CXXC4: variants seen among roughly 807,000 people sequenced by gnomAD.
CXXC4 encodes the protein CXXC-type zinc finger protein 4.
In CXXC4, 5 loss-of-function variants were observed where a neutral mutation model predicts 20.5. The ratio of observed to expected loss-of-function variants is 0.24; its 90% CI spans 0.13 to 0.51. The LOEUF is 0.51. CXXC4 is among the 20% of genes least tolerant of loss of function. The pLI is 0.97. For synonymous variants in CXXC4, 250 were observed against 216.4 expected (o/e 1.16, Z -1.36); for missense variants, 419 against 496.4 (o/e 0.84, Z 1.48).
intron 2 of CXXC4, among the ~76,000 whole-genome samples, chr4:104,485,698 T>C (rs943207063): frequency 3.3e-5 from 5 of 152,074 alleles, no homozygotes; most frequent in East Asian, 1.9e-4. Flanking sequence ...CACCCCACCA[T>C]GGATCTTCAG....
intron 2 of CXXC4, among the ~76,000 whole-genome samples, chr4:104,480,273 T>C (rs1179106017): frequency 1.3e-5 from 2 of 152,190 alleles, no homozygotes; most frequent in African/African-American, 4.8e-5. Context: ...AGTAAATTAA[T>C]AAATTTTCCA....
intron 2 of CXXC4, among the ~76,000 whole-genome samples, chr4:104,477,031 A>G (rs1736427339): frequency 6.6e-6 from 1 of 152,142 alleles, no homozygotes; most frequent in African/African-American, 2.4e-5. Context: ...ACTCCTCGGC[A>G]TCTAAGGCCT....
Position 104,468,716 on chromosome 4 carries a change from G to T in CXXC4, c.*3606C>A, listed in dbSNP as rs561440781. 1 of 150,004 alleles carries T rather than the reference G, an allele frequency of 6.7e-6. No homozygotes were observed. The highest frequency in any genetic ancestry group is 1.9e-4 in the East Asian group (1 of 5,138). The allele number at this position is 150,004 out of a possible 1,614,324, so 9.3% of individuals were successfully genotyped here. A position where few individuals can be genotyped will look rare whatever the true frequency, so the allele number is the denominator to read the frequency against. Reference sequence around the variant, plus strand: ...CAAATTTAATAAAAAAAAAAAAACTGAAACATTTAGCTGTTACATGAGAAC... The same window carrying T: ...CAAATTTAATAAAAAAAAAAAAACTTAAACATTTAGCTGTTACATGAGAAC... On this transcript the variant is annotated 3_prime_UTR_variant, in exon 3 of 3. Transcript: ENST00000394767.
At chr4:104,480,507 CTA>C (rs900096490) in intron 2 of CXXC4, among the ~76,000 whole-genome samples, 4 of 151,958 alleles carry the variant, frequency 2.6e-5, no homozygotes, top group African/African-American at 9.7e-5. Context: ...CTTGGCCTTT[CTA>C]TGTTTCTAAT....
intron 2 of CXXC4, among the ~76,000 whole-genome samples, chr4:104,481,675 T>C (rs1560540866): frequency 6.6e-6 from 1 of 152,138 alleles, no homozygotes; most frequent in Non-Finnish European, 1.5e-5. Context: ...TTTGTGTGTG[T>C]GTATATATGC....
chr4:104,489,356 G>T (rs1314434903), intron 2 of CXXC4, among the ~76,000 whole-genome samples: 3 of 151,990 alleles, frequency 2.0e-5, no homozygotes, highest in Non-Finnish European at 4.4e-5. Context: ...AAAAAAAACT[G>T]TATCTTCTTT....
intron 2 of CXXC4, among the ~76,000 whole-genome samples, chr4:104,485,241 T>A (rs2110276398): frequency 6.6e-6 from 1 of 152,202 alleles, no homozygotes; most frequent in East Asian, 1.9e-4. Context: ...TTTGCTTTTT[T>A]ACAAACTAAT....
chr4:104,491,821 G>T lies in CXXC4; in HGVS notation c.-19C>A. 7.2e-7 allele frequency: 1 copy of T among 1,381,832 alleles called. No homozygotes were observed. Among genetic ancestry groups the T allele is most frequent in the Non-Finnish European group, 9.4e-7 (1 of 1,058,228 alleles). The allele number at this position is 1,381,832 out of a possible 1,614,324, so 85.6% of individuals were successfully genotyped here. ...TGTTCATGGTGCAGGGGGGGAAGAA[G>T]GGGTGCAGGGTGGAAGTGGGGACCG... is the stretch of plus-strand genomic sequence containing the variant. On this transcript the variant is annotated 5_prime_UTR_variant, in exon 2 of 3. Coordinates refer to ENST00000394767, the MANE Select transcript of CXXC4 (RefSeq NM_025212.4).
rs747993874 is a variant in CXXC4 at position 104,491,383 on chromosome 4, G to C, written c.420C>G (p.Ala140=). 7.5e-7 allele frequency: 1 copy of C among 1,337,172 alleles called. No individual in the cohort carries two copies. The highest frequency in any genetic ancestry group is 3.3e-5 in the Admixed American group (1 of 30,532). 82.8% of individuals were successfully genotyped at this position (1,337,172 alleles called of 1,614,324 possible). The change falls in exon 2 of 3, where the codon GCC becomes GCG. Residue 140 remains alanine, a synonymous_variant. Transcript: ENST00000394767. The stretch of plus-strand genomic sequence containing the variant: ...AGGAGGAGGCGGAGGAGGAGGCGGC[G>C]GCGGAGGAGGATTTCCTGCCGCCCC... ...GGGGGRKSSS[A]AASSSASSSS...
At chr4:104,473,981 A>C (rs1318327028) in intron 2 of CXXC4, among the ~76,000 whole-genome samples, 5 of 152,010 alleles carry the variant, frequency 3.3e-5, no homozygotes, top group African/African-American at 1.2e-4. Context: ...CAATAAAATA[A>C]ATATTTTGGA....
chr4:104,476,162 A>T (rs928863394), intron 2 of CXXC4, among the ~76,000 whole-genome samples: 14 of 152,160 alleles, frequency 9.2e-5, no homozygotes, highest in South Asian at 2.1e-4. Flanking sequence ...TTTACTTTTT[A>T]AAAAAATTTA....
rs1560544542 is a variant in CXXC4, at chr4:104,491,304, T to TGCTGCCGCC, written c.490_498dup (p.Gly164_Ser166dup). 6.3e-7 allele frequency: 1 copy of TGCTGCCGCC among 1,580,850 alleles called. No homozygotes were observed. On this transcript the variant is annotated inframe_insertion, in exon 2 of 3. Coordinates refer to ENST00000394767, the MANE Select transcript of CXXC4 (RefSeq NM_025212.4). Reference sequence around the variant, plus strand: ...TCGTTTCGGTGGTGCATGCTGGTCCTGCTGCCGCCGCCGCCGCCGCCGCCG... The same window carrying TGCTGCCGCC: ...TCGTTTCGGTGGTGCATGCTGGTCCTGCTGCCGCCGCTGCCGCCGCCGCCGCCGCCGCCG...
intron 2 of CXXC4, among the ~76,000 whole-genome samples, chr4:104,486,938 A>G (rs919607736): frequency 1.3e-5 from 2 of 152,102 alleles, no homozygotes; most frequent in African/African-American, 4.8e-5. Context: ...TTAACAGCGT[A>G]AACAATATGT....
At chr4:104,477,877 A>C (rs886199699) in intron 2 of CXXC4, among the ~76,000 whole-genome samples, 3 of 152,100 alleles carry the variant, frequency 2.0e-5, no homozygotes, top group Admixed American at 2.0e-4. Flanking sequence ...AGATTCATTT[A>C]TTACATAACT....
chr4:104,476,362 A>G (rs1237595363), intron 2 of CXXC4, among the ~76,000 whole-genome samples: 3 of 152,186 alleles, frequency 2.0e-5, no homozygotes, highest in Admixed American at 2.0e-4. Context: ...TCAGGTGAAG[A>G]ATGCATCTAC....
chr4:104,472,665 T>A (rs1318532688), intron 2 of CXXC4, among the ~76,000 whole-genome samples: 4 of 151,968 alleles, frequency 2.6e-5, no homozygotes, highest in Non-Finnish European at 5.9e-5. Flanking sequence ...TTCAACCTCT[T>A]AACCAATATG....
intron 2 of CXXC4, among the ~76,000 whole-genome samples, chr4:104,472,607 T>C (rs58740056): frequency 0.022 from 3,342 of 152,020 alleles, 134 homozygotes; most frequent in African/African-American, 0.076. Flanking sequence ...TTTAAAAATA[T>C]AGGAAATGCA....
intron 2 of CXXC4, among the ~76,000 whole-genome samples, 184 bp downstream of exon 2, chr4:104,490,560 A>G (rs920897133): frequency 6.6e-6 from 1 of 152,228 alleles, no homozygotes; most frequent in African/African-American, 2.4e-5. Context: ...GTGTCACGTG[A>G]AGTGCAGCTG....
chr4:104,482,164 C>T (rs537655269), intron 2 of CXXC4, among the ~76,000 whole-genome samples: 2 of 152,244 alleles, frequency 1.3e-5, no homozygotes, highest in South Asian at 2.1e-4. Flanking sequence ...TTCTAACCTA[C>T]TTTCTAAAAA....
Sources: allele counts gnomAD v4.1 joint callset (sites outside exome capture counted in the v4.1 genomes callset), GRCh38; gene constraint gnomAD v4.1.1; transcripts MANE v1.5; gene names NCBI Gene and HGNC (gene_info 2026-07-23, HGNC 2026-07-21).